The following CSGALNACT1 variants were observed in gnomAD, a reference collection of about 807,000 sequenced individuals.
CSGALNACT1 encodes beta4GalNAcT-1.
CSGALNACT1 carries 52 observed loss-of-function variants against 51.0 expected under a neutral mutation model. The ratio of observed to expected loss-of-function variants is 1.02; its 90% CI spans 0.82 to 1.29. The LOEUF is 1.29. Among genes scored for constraint, CSGALNACT1 ranks in the 50% most tolerant of loss-of-function variants. The pLI is 0.00. For synonymous variants in CSGALNACT1, 341 were observed against 254.4 expected (o/e 1.34, Z -3.24); for missense variants, 935 against 679.2 (o/e 1.38, Z -4.19).
intron 4 of CSGALNACT1, among the ~76,000 whole-genome samples, chr8:19,469,418 A>T (rs1346122187): frequency 5.9e-5 from 9 of 152,030 alleles, no homozygotes; most frequent in Non-Finnish European, 2.9e-5. Flanking sequence ...GAAAAGAAAA[A>T]AGAAATAGCC....
In CSGALNACT1 at chr8:19,490,322, A is replaced by G. The variant is rs1587085191; in HGVS notation, c.634+14879T>C. ...AAAACAGTATTTTGGGAAAGAGAGG[A>G]AAAGAGAGAGACAGGTTTAAAAAAA... On this transcript the variant is annotated intron_variant, in intron 4 of 9. Coordinates refer to ENST00000454498, the Ensembl canonical transcript of CSGALNACT1. 2.6e-5 allele frequency among the ~76,000 whole-genome samples: 4 copies of G among 152,322 alleles called. No individual in the cohort carries two copies. In the South Asian group the frequency reaches 8.3e-4, roughly 32 times the overall value.
At chr8:19,644,814 T>C (rs1361081009) in intron 1 of CSGALNACT1, among the ~76,000 whole-genome samples, 4 of 150,840 alleles carry the variant, frequency 2.7e-5, no homozygotes, top group Admixed American at 2.6e-4. Context: ...TGACCTCAGG[T>C]ACCTAACCTA....
intron 4 of CSGALNACT1, among the ~76,000 whole-genome samples, chr8:19,497,883 G>C (rs1029419431): frequency 8.5e-5 from 13 of 152,102 alleles, no homozygotes; most frequent in Non-Finnish European, 1.5e-4. Flanking sequence ...ACAGCCATTT[G>C]TCCCTTACAT....
intron 1 of CSGALNACT1, among the ~76,000 whole-genome samples, chr8:19,673,128 C>T (rs989792543): frequency 7.9e-5 from 12 of 152,320 alleles, no homozygotes; most frequent in African/African-American, 1.9e-4. Context: ...AACACACACC[C>T]GCTGTGACCA....
Position 19,590,640 on chromosome 8 carries a change from C to CTTTTTTTTTTTTT in CSGALNACT1, c.-297+507_-297+519dup, listed in dbSNP as rs34859554. 7.2e-5 allele frequency among the ~76,000 whole-genome samples: 5 copies of CTTTTTTTTTTTTT among 68,970 alleles called. 1 individual carries two copies. Among genetic ancestry groups the CTTTTTTTTTTTTT allele is most frequent in the African/African-American group, 2.8e-4 (5 of 18,176 alleles). 45.2% of individuals were successfully genotyped at this position (68,970 alleles called of 152,430 possible). ...TACTCATAGCTGGTGGACCTAACTA[C>CTTTTTTTTTTTTT]TTTTTTTTTTTTTTTTTTTTTTTTT... is the stretch of plus-strand genomic sequence containing the variant. On this transcript the variant is annotated intron_variant, in intron 3 of 9. Coordinates refer to ENST00000454498, the Ensembl canonical transcript of CSGALNACT1.
intron 4 of CSGALNACT1, among the ~76,000 whole-genome samples, chr8:19,487,331 C>A (rs1044798532): frequency 1.3e-5 from 2 of 152,144 alleles, no homozygotes; most frequent in African/African-American, 4.8e-5. Flanking sequence ...AATAAAATGT[C>A]GTCTTTCTCT....
In CSGALNACT1 at chr8:19,548,868, C is replaced by G. The variant is rs193256619; in HGVS notation, c.-297+42292G>C. ...AGGTCCTTGCCCTTTTGCCCTTCTA[C>G]AGTAGAGTGGTGCAGTCACAGCTCA... On this transcript the variant is annotated intron_variant, in intron 3 of 9. Transcript: ENST00000454498. 2.9e-3 allele frequency among the ~76,000 whole-genome samples: 445 copies of G among 152,294 alleles called. 1 individual carries two copies. Among genetic ancestry groups the G allele is most frequent in the African/African-American group, 9.9e-3 (413 of 41,560 alleles).
chr8:19,417,992 G>C (rs1178796737), intron 8 of CSGALNACT1, among the ~76,000 whole-genome samples: 2 of 152,142 alleles, frequency 1.3e-5, no homozygotes, highest in Admixed American at 1.3e-4. Flanking sequence ...ACCCTACAGG[G>C]ACCCTTGGGG....
At chr8:19,683,344 G>C (rs1335329670), upstream of CSGALNACT1, 1 of 152,140 alleles carries the variant, frequency 6.6e-6, no homozygotes, top group Non-Finnish European at 1.5e-5. Flanking sequence ...CATTTTATCA[G>C]GATCTTGGTC....
chr8:19,543,812 C>A (rs974445626), intron 3 of CSGALNACT1, among the ~76,000 whole-genome samples: 1 of 152,166 alleles, frequency 6.6e-6, no homozygotes, highest in Non-Finnish European at 1.5e-5. Context: ...AAATGCTGAT[C>A]CTGAGTCCTC....
intron 6 of CSGALNACT1, among the ~76,000 whole-genome samples, chr8:19,427,945 G>T (rs1164801859): frequency 6.6e-6 from 1 of 152,148 alleles, no homozygotes; most frequent in African/African-American, 2.4e-5. Context: ...CCCCAGGTGA[G>T]GGAAGCAGTC....
intron 5 of CSGALNACT1, among the ~76,000 whole-genome samples, chr8:19,454,910 A>G (rs1021840481): frequency 2.6e-5 from 4 of 152,230 alleles, no homozygotes; most frequent in African/African-American, 9.7e-5. Flanking sequence ...AGTTCAGCAA[A>G]TCCTTTATTA....
intron 7 of CSGALNACT1, among the ~76,000 whole-genome samples, chr8:19,419,126 AT>A (rs2057448244): frequency 6.6e-6 from 1 of 152,144 alleles, no homozygotes. Flanking sequence ...GATTACAGGC[AT>A]GAGCCACTGC....
chr8:19,416,166 G>A (rs1013739384), intron 8 of CSGALNACT1, among the ~76,000 whole-genome samples: 3 of 148,724 alleles, frequency 2.0e-5, no homozygotes, highest in Non-Finnish European at 4.4e-5. Flanking sequence ...CCAGGCTGGA[G>A]TGCAGTGGCA....
chr8:19,498,823 A>G (rs1205996701), intron 4 of CSGALNACT1, among the ~76,000 whole-genome samples: 1 of 152,250 alleles, frequency 6.6e-6, no homozygotes, highest in Non-Finnish European at 1.5e-5. Context: ...CTATTAAGGA[A>G]ACAAAAAGGG....
At chr8:19,504,016 G>A (rs2076866783) in intron 4 of CSGALNACT1, among the ~76,000 whole-genome samples, 1 of 152,178 alleles carries the variant, frequency 6.6e-6, no homozygotes, top group Non-Finnish European at 1.5e-5. Flanking sequence ...ATGAGACAGT[G>A]GTTGTATAAC....
intron 3 of CSGALNACT1, among the ~76,000 whole-genome samples, chr8:19,586,180 T>C (rs1260117970): frequency 6.6e-6 from 1 of 151,986 alleles, no homozygotes; most frequent in Non-Finnish European, 1.5e-5. Flanking sequence ...CTGGCCAACA[T>C]AGCAAAACCC....
intron 1 of CSGALNACT1, among the ~76,000 whole-genome samples, chr8:19,627,594 C>A (rs1247281234): frequency 6.6e-6 from 1 of 152,092 alleles, no homozygotes; most frequent in Non-Finnish European, 1.5e-5. Flanking sequence ...GAGGCTGAAG[C>A]AGAAGGATCA....
intron 4 of CSGALNACT1, among the ~76,000 whole-genome samples, chr8:19,486,529 G>A (rs550331227): frequency 4.7e-4 from 71 of 152,054 alleles, no homozygotes; most frequent in African/African-American, 1.5e-3. Flanking sequence ...CCTGCACACT[G>A]CCCCTCGAAG....
Sources: gnomAD v4.1 joint callset for allele counts (sites outside exome capture counted in the v4.1 genomes callset) on GRCh38, gnomAD v4.1.1 for gene constraint, MANE v1.5 for transcripts, NCBI Gene and HGNC (gene_info 2026-07-23, HGNC 2026-07-21) for gene names.